The following SCP2 variants were observed in gnomAD, a reference collection of about 807,000 sequenced individuals.
The protein encoded by SCP2 is sterol carrier protein 2.
SCP2 carries 48 observed loss-of-function variants against 71.4 expected under a neutral mutation model. The ratio of observed to expected loss-of-function variants is 0.67; its 90% CI spans 0.53 to 0.86. The LOEUF (loss-of-function observed/expected upper bound fraction) is 0.86, where lower values mean the gene tolerates loss of function less well. Among genes scored for constraint, SCP2 ranks in the 40% least tolerant of loss-of-function variants. SCP2 has a pLI of 0.00. For synonymous variants in SCP2, 220 were observed against 218.1 expected (o/e 1.01, Z -0.08); for missense variants, 560 against 655.6 (o/e 0.85, Z 1.59).
intron 11 of SCP2, among the ~76,000 whole-genome samples, chr1:53,007,447 C>A (rs955252176): frequency 2.0e-5 from 3 of 152,188 alleles, no homozygotes. Context: ...ATAGTGCAAT[C>A]AAACTAGAAC....
chr1:53,030,662 C>T (rs184046760), intron 13 of SCP2, among the ~76,000 whole-genome samples: 22 of 151,888 alleles, frequency 1.4e-4, no homozygotes, highest in Non-Finnish European at 2.9e-4. Context: ...AAGGCTGAGG[C>T]GGGTGGATCA....
In SCP2 at chr1:52,947,999, G is replaced by A. The variant is rs758618038; in HGVS notation, c.128-10G>A. ...AAGCACTTTTTGATAAAAACCTTTC[G>A]TTTTTATAGGCAAGAAGGCTTTAGC... On this transcript the variant is annotated splice_polypyrimidine_tract_variant and intron_variant, in intron 2 of 15. Coordinates refer to ENST00000371514, the MANE Select transcript of SCP2 (RefSeq NM_002979.5). 75 of 1,604,596 alleles carry A rather than the reference G, an allele frequency of 4.7e-5. No homozygotes were observed. The Admixed American group carries it at 6.5e-4, about 14-fold the overall frequency.
chr1:52,943,718 T>C, intron 2 of SCP2: 1 of 455,612 alleles, frequency 2.2e-6, no homozygotes, highest in Non-Finnish European at 4.3e-6. Flanking sequence ...AGCAATTTGT[T>C]GCACCAGACG....
rs1001359150 is a variant in SCP2 at position 52,994,709 on chromosome 1, T to A, written c.1081+6573T>A. The A allele has an allele frequency of 2.0e-5, 14 of 704,948 alleles. No homozygotes were observed. In the African/African-American group the frequency reaches 2.2e-4, roughly 11 times the overall value. The allele number at this position is 704,948 out of a possible 1,614,324, so 43.7% of individuals were successfully genotyped here. A position where few individuals can be genotyped will look rare whatever the true frequency, so the allele number is the denominator to read the frequency against. ...CATACCTTGAGGCGAGCAAAAAAAT[T>A]AAAATAAATTTTAACCATGAGGGAA... On this transcript the variant is annotated intron_variant, in intron 11 of 15. Transcript: ENST00000371514.
At chr1:52,938,359 A>G (rs1032532596) in intron 1 of SCP2, among the ~76,000 whole-genome samples, 1 of 152,220 alleles carries the variant, frequency 6.6e-6, no homozygotes, top group African/African-American at 2.4e-5. Context: ...GAATATTCAA[A>G]GCCATTTCTC....
chr1:52,970,438 T>C (rs1657363373), intron 6 of SCP2, among the ~76,000 whole-genome samples: 1 of 152,190 alleles, frequency 6.6e-6, no homozygotes, highest in Non-Finnish European at 1.5e-5. Context: ...ACCGCTCAAT[T>C]GCACCATACA....
chr1:52,955,520 A>G (rs1324398957), intron 5 of SCP2, among the ~76,000 whole-genome samples: 1 of 151,516 alleles, frequency 6.6e-6, no homozygotes, highest in Non-Finnish European at 1.5e-5. Flanking sequence ...ACAGGGGAGG[A>G]AAAAAAAAGA....
chr1:52,949,172 A>G (rs1314614705), intron 3 of SCP2, among the ~76,000 whole-genome samples: 1 of 152,208 alleles, frequency 6.6e-6, no homozygotes, highest in Non-Finnish European at 1.5e-5. Flanking sequence ...GTGCATATCT[A>G]TGATTCATTT....
intron 1 of SCP2, among the ~76,000 whole-genome samples, chr1:52,935,841 G>A (rs1014005583): frequency 2.0e-5 from 3 of 152,116 alleles, no homozygotes; most frequent in Non-Finnish European, 4.4e-5. Context: ...AGGAGGCTGA[G>A]GCAGGAGGAT....
intron 13 of SCP2, among the ~76,000 whole-genome samples, chr1:53,033,840 T>C (rs61314084): frequency 0.32 from 48,063 of 152,054 alleles, 12,697 homozygotes; most frequent in African/African-American, 0.72. Context: ...TATGTTCACA[T>C]GAAAACTTGT....
intron 5 of SCP2, among the ~76,000 whole-genome samples, chr1:52,960,987 AG>A (rs1656376353): frequency 6.6e-6 from 1 of 150,948 alleles, no homozygotes; most frequent in African/African-American, 2.4e-5. Flanking sequence ...CCTGAGCTCA[AG>A]TGATCCACCC....
At chr1:52,977,789 C>T (rs148318402) in intron 8 of SCP2, among the ~76,000 whole-genome samples, 5 of 152,120 alleles carry the variant, frequency 3.3e-5, no homozygotes, top group African/African-American at 7.2e-5. Context: ...GGAGAAACTC[C>T]GTCTCTACTA....
chr1:52,955,538 TA>T (rs931073391), intron 5 of SCP2, among the ~76,000 whole-genome samples: 1 of 151,988 alleles, frequency 6.6e-6, no homozygotes, highest in African/African-American at 2.4e-5. Context: ...AGAGAAAGAA[TA>T]AAAAACTCAG....
At chr1:52,936,635 A>G (rs1183675107) in intron 1 of SCP2, among the ~76,000 whole-genome samples, 1 of 152,264 alleles carries the variant, frequency 6.6e-6, no homozygotes, top group Non-Finnish European at 1.5e-5. Flanking sequence ...AAAGGAAAAG[A>G]AAGTAGTAGA....
chr1:52,935,242 G>A (rs1267030941), intron 1 of SCP2, among the ~76,000 whole-genome samples: 1 of 149,158 alleles, frequency 6.7e-6, no homozygotes, highest in Non-Finnish European at 1.5e-5. Flanking sequence ...CTCCAGCTTG[G>A]GCAACAAGAG....
intron 11 of SCP2, among the ~76,000 whole-genome samples, chr1:53,005,785 T>G (rs980812849): frequency 2.6e-5 from 4 of 152,080 alleles, no homozygotes; most frequent in Non-Finnish European, 4.4e-5. Flanking sequence ...CTTTGATGAG[T>G]TGAGAGAAGA....
intron 11 of SCP2, among the ~76,000 whole-genome samples, chr1:52,992,125 A>C (rs1458671492): frequency 6.6e-6 from 1 of 152,234 alleles, no homozygotes; most frequent in African/African-American, 2.4e-5. Flanking sequence ...GACTGGCCAA[A>C]GATGGGTACA....
chr1:52,994,838 G>T, intron 11 of SCP2: 1 of 509,868 alleles, frequency 2.0e-6, no homozygotes, highest in Admixed American at 2.3e-5. Flanking sequence ...ACCTAACATG[G>T]GGACAGCGAC....
intron 13 of SCP2, among the ~76,000 whole-genome samples, chr1:53,029,893 C>CCT (rs140981186): frequency 0.037 from 5,513 of 150,938 alleles, 200 homozygotes; most frequent in East Asian, 0.2. Context: ...TCTTTACCCC[C>CCT]TGTTTTTTTT....
Sources: allele counts gnomAD v4.1 joint callset (sites outside exome capture counted in the v4.1 genomes callset), GRCh38; gene constraint gnomAD v4.1.1; transcripts MANE v1.5; gene names NCBI Gene and HGNC (gene_info 2026-07-23, HGNC 2026-07-21).